Variants in PITPNM3 observed in about 807,000 individuals in gnomAD.
The protein encoded by PITPNM3 is membrane-associated phosphatidylinositol transfer protein 3.
In PITPNM3, 26 loss-of-function variants were observed where a neutral mutation model predicts 102.0. The ratio of observed to expected loss-of-function variants is 0.25; its 90% CI spans 0.19 to 0.35. The LOEUF is 0.35. Among genes scored for constraint, PITPNM3 ranks in the 10% least tolerant of loss-of-function variants. The pLI is 1.00. For missense variants in PITPNM3, 1,083 were observed against 1,346.1 expected (o/e 0.80, Z 3.06); for synonymous variants, 578 against 558.6 (o/e 1.03, Z -0.49).
rs141381780 is a variant in PITPNM3, at chr17:6,456,524, C to T, written c.2620-881G>A. On this transcript the variant is annotated intron_variant, in intron 19 of 19. Coordinates refer to ENST00000262483, the MANE Select transcript of PITPNM3 (RefSeq NM_031220.4). ...CTCTGGCAGCATCAACACCACCTGG[C>T]ACCTTGTCAGGCAGAACTTCCGGCC... Among the ~76,000 whole-genome samples the T allele has an allele frequency of 1.2e-4, 18 of 152,338 alleles. No individual in the cohort carries two copies. The East Asian group carries it at 3.1e-3, about 26-fold the overall frequency.
intron 9 of PITPNM3, 106 bp from the exon 10 acceptor site, chr17:6,474,710 C>A: frequency 7.4e-7 from 1 of 1,347,926 alleles, no homozygotes; most frequent in Non-Finnish European, 1.0e-6. Context: ...AAGTGCCCAA[C>A]CCTCCATCTC....
chr17:6,451,541 T>G lies in PITPNM3; in HGVS notation c.*3797A>C, dbSNP rs1913833990. On this transcript the variant is annotated 3_prime_UTR_variant, in exon 20 of 20. Transcript: ENST00000262483. ...AGACCACAGACAAGGTCAGACTGGCTGCCACCACCAAGTAAACAACTAGAA... is the reference window on the plus strand; with the variant it reads ...AGACCACAGACAAGGTCAGACTGGCGGCCACCACCAAGTAAACAACTAGAA... 1 of 152,204 alleles carries G rather than the reference T, an allele frequency of 6.6e-6. No homozygotes were observed. The highest frequency in any genetic ancestry group is 2.4e-5 in the African/African-American group (1 of 41,442). The allele number at this position is 152,204 out of a possible 1,614,324, so 9.4% of individuals were successfully genotyped here.
rs2150715384 is a variant in PITPNM3 at position 6,461,402 on chromosome 17, C to A, written c.2461G>T (p.Ala821Ser). The change falls in exon 18 of 20, where the codon GCC (alanine) becomes TCC (serine). Residue 821 changes from alanine (A) to serine (S), a missense_variant. Physicochemically the swap from Ala to Ser is moderately conservative, Grantham distance 99. Coordinates refer to ENST00000262483, the MANE Select transcript of PITPNM3 (RefSeq NM_031220.4). ...GLVHDPLRQKAIFLRNLMQEC... is the reference protein window; with the variant it reads ...GLVHDPLRQKSIFLRNLMQEC... ...TGCATGAGGTTGCGCAGGAAGATGG[C>A]CTTCTGCCGCAGCGGGTCATGCACC... 1 of 1,614,154 alleles carries A rather than the reference C, an allele frequency of 6.2e-7. No individual in the cohort carries two copies. Among genetic ancestry groups the A allele is most frequent in the Non-Finnish European group, 8.5e-7 (1 of 1,180,040 alleles).
In PITPNM3 at chr17:6,468,367, G is replaced by C; in HGVS notation, c.1774-26C>G. The stretch of plus-strand genomic sequence containing the variant: ...CTAGCCAAGAGCCGAGCAGGGCCCC[G>C]GTCAGGTCTTCTGGCTTCTCTGCTT... On this transcript the variant is annotated intron_variant, in intron 13 of 19. Transcript: ENST00000262483. This position sits in a 1 kb window ranked among gnomAD's most constrained non-coding sequence, Gnocchi z 5.2. 1 of 1,608,900 alleles carries C rather than the reference G, an allele frequency of 6.2e-7. No individual in the cohort carries two copies. Among genetic ancestry groups the C allele is most frequent in the Middle Eastern group, 1.7e-4 (1 of 5,990 alleles).
intron 4 of PITPNM3, 143 bp from the exon 5 acceptor site, chr17:6,484,435 C>A: frequency 1.2e-6 from 1 of 814,018 alleles, no homozygotes; most frequent in Non-Finnish European, 2.1e-6. Flanking sequence ...TAGGGAGAGT[C>A]ACCCCATCCA....
chr17:6,474,703 T>C, intron 9 of PITPNM3, 99 bp from the exon 10 acceptor site: 1 of 1,381,856 alleles, frequency 7.2e-7, no homozygotes, highest in South Asian at 1.4e-5. Flanking sequence ...GAGCGTGAAG[T>C]GCCCAACCCT....
rs543629087 is a variant in PITPNM3 at position 6,473,506 on chromosome 17, G to C, written c.1259-679C>G. On this transcript the variant is annotated intron_variant, in intron 10 of 19. Coordinates refer to ENST00000262483, the MANE Select transcript of PITPNM3 (RefSeq NM_031220.4). ...CCCACTTTATCTGTTCCATACTGTA[G>C]CTTGTCAGTAAGCTTTGGCCAAAAG... is the stretch of plus-strand genomic sequence containing the variant. Among the ~76,000 whole-genome samples, 4 of 152,220 alleles carry C rather than the reference G, an allele frequency of 2.6e-5. No homozygotes were observed. In the East Asian group the frequency reaches 7.7e-4, roughly 29 times the overall value.
At chr17:6,480,740 C>T (rs1032317543) in intron 6 of PITPNM3, 21 of 152,306 alleles carry the variant, frequency 1.4e-4, no homozygotes, top group Admixed American at 1.4e-3. Flanking sequence ...AGGATTTGGG[C>T]CCTGTAGGCG....
rs1904638233 is a variant in PITPNM3 at position 6,464,073 on chromosome 17, C to T, written c.2156+97G>A. The T allele has an allele frequency of 2.5e-6, 4 of 1,589,146 alleles. No individual in the cohort carries two copies. The Admixed American group carries it at 6.7e-5, about 27-fold the overall frequency. On this transcript the variant is annotated intron_variant, in intron 16 of 19. Transcript: ENST00000262483. ...GTCCATGCAGACAGAGATGGGGGCC[C>T]ACAAAGAACCCCAAGGACCCCATCC...
At chr17:6,474,307 A>T in intron 10 of PITPNM3, 125 bp downstream of exon 10, 1 of 1,321,544 alleles carries the variant, frequency 7.6e-7, no homozygotes, top group African/African-American at 1.5e-5. Flanking sequence ...CTCTCTTTCC[A>T]CCTATCCCAA....
chr17:6,474,504 C>T lies in PITPNM3; in HGVS notation c.1186G>A (p.Asp396Asn), dbSNP rs373601000. The change falls in exon 10 of 20, where the codon GAC (aspartate) becomes AAC (asparagine). Residue 396 changes from aspartate (D) to asparagine (N), a missense_variant. Physicochemically the swap from Asp to Asn is conservative, Grantham distance 23 (BLOSUM62 1). Coordinates refer to ENST00000262483, the MANE Select transcript of PITPNM3 (RefSeq NM_031220.4). ...AGTGGCGAGCCGAAGAGGAAGAAGT[C>T]GGACACATCGAAGTCAAAGCGGCCC... is the stretch of plus-strand genomic sequence containing the variant. ...SLGRFDFDVS[D>N]FFLFGSPLGL... is the part of the protein sequence containing the mutation. The T allele has an allele frequency of 2.7e-5, 43 of 1,613,252 alleles. No homozygotes were observed. The highest frequency in any genetic ancestry group is 1.6e-4 in the Middle Eastern group (1 of 6,084).
chr17:6,489,717 C>T (rs1052922537), intron 4 of PITPNM3, among the ~76,000 whole-genome samples: 3 of 152,074 alleles, frequency 2.0e-5, no homozygotes, highest in African/African-American at 7.2e-5. Flanking sequence ...TTTAAAAAGA[C>T]GTTACTTGCC....
At position 6,455,417 on chromosome 17, in the gene PITPNM3, T is replaced by C; in HGVS notation, c.2846A>G (p.Glu949Gly). Residue 949 changes from glutamate (E) to glycine (G), a missense_variant, in exon 20 of 20, where the codon GAG (glutamate) becomes GGG (glycine). Physicochemically the swap from Glu to Gly is moderately conservative, Grantham distance 98. Transcript: ENST00000262483. ...CGGCCGCTCGTGGTCTTTGTCCGAC[T>C]CGGGCTGGCTCTGGGCCCGCTCGGG... The part of the protein sequence containing the change: ...PKPERAQSQP[E>G]SDKDHERPLP... 6.2e-7 allele frequency: 1 copy of C among 1,601,882 alleles called. No individual in the cohort carries two copies. The highest frequency in any genetic ancestry group is 8.5e-7 in the Non-Finnish European group (1 of 1,177,192).
intron 18 of PITPNM3, 94 bp downstream of exon 18, chr17:6,461,279 C>A (rs1197010672): frequency 6.8e-7 from 1 of 1,461,300 alleles, no homozygotes; most frequent in African/African-American, 1.4e-5. Flanking sequence ...CTGCACATCA[C>A]AAGGCCCCAC....
At position 6,464,209 on chromosome 17, in the gene PITPNM3, C is replaced by T. The variant is rs751199521; in HGVS notation, c.2117G>A (p.Arg706His). ...RITYNVPRPR[R>H]LGVGVYPVKM... is the part of the protein sequence containing the mutation. ...CACAGGATAGACACCAACCCCCAGG[C>T]GCCGGGGCCGCGGCACATTGTATGT... is the stretch of plus-strand genomic sequence containing the variant. Residue 706 changes from arginine to histidine, a missense_variant, in exon 16 of 20, where the codon CGC (arginine) becomes CAC (histidine). Transcript: ENST00000262483. The T allele has an allele frequency of 1.9e-5, 30 of 1,614,074 alleles. No individual in the cohort carries two copies. Among genetic ancestry groups the T allele is most frequent in the East Asian group, 6.7e-5 (3 of 44,888 alleles).
intron 9 of PITPNM3, among the ~76,000 whole-genome samples, chr17:6,476,416 G>A (rs1159257690): frequency 6.6e-6 from 1 of 152,224 alleles, no homozygotes; most frequent in Non-Finnish European, 1.5e-5. Flanking sequence ...TTAATGTGCA[G>A]ATAATGTGTT....
chr17:6,516,142 A>G (rs1908160472), intron 3 of PITPNM3, among the ~76,000 whole-genome samples: 1 of 152,208 alleles, frequency 6.6e-6, no homozygotes, highest in African/African-American at 2.4e-5. Context: ...TGCAGAATGG[A>G]GACTGATGAA....
At chr17:6,523,522 C>T (rs563084387) in intron 3 of PITPNM3, among the ~76,000 whole-genome samples, 26 of 152,302 alleles carry the variant, frequency 1.7e-4, no homozygotes, top group African/African-American at 6.0e-4. Context: ...CTCACCTGAC[C>T]GACTGCCCTT....
chr17:6,485,497 G>A (rs370725265), intron 4 of PITPNM3, among the ~76,000 whole-genome samples: 49 of 151,958 alleles, frequency 3.2e-4, no homozygotes, highest in African/African-American at 1.1e-3. Flanking sequence ...ATATCCTTTC[G>A]GTCGGTTTCT....
Sources: gnomAD v4.1 joint callset for allele counts (sites outside exome capture counted in the v4.1 genomes callset) on GRCh38, gnomAD v4.1.1 for gene constraint, Gnocchi (gnomAD v3.1) non-coding constraint, MANE v1.5 for transcripts, NCBI Gene and HGNC (gene_info 2026-07-23, HGNC 2026-07-21) for gene names.